The following TANC2 variants were observed in gnomAD, a reference collection of about 807,000 sequenced individuals.
The protein encoded by TANC2 is tetratricopeptide repeat, ankyrin repeat and coiled-coil containing 2, also known as protein TANC2.
TANC2 carries 26 observed loss-of-function variants against 210.5 expected under a neutral mutation model. The observed-to-expected ratio is 0.12, with a 90% confidence interval of 0.09 to 0.17. The LOEUF is 0.17. Among genes scored for constraint, TANC2 ranks in the 10% least tolerant of loss-of-function variants. The pLI, the probability that TANC2 is intolerant of heterozygous loss-of-function variation, is 1.00. For missense variants in TANC2, 2,129 were observed against 2,608.9 expected (o/e 0.82, Z 4.01); for synonymous variants, 931 against 967.1 (o/e 0.96, Z 0.69).
At chr17:63,341,904 G>C (rs1489970888) in intron 12 of TANC2, among the ~76,000 whole-genome samples, 1 of 152,160 alleles carries the variant, frequency 6.6e-6, no homozygotes, top group Non-Finnish European at 1.5e-5. Flanking sequence ...ATTATTCACT[G>C]TTATCCTTAG....
chr17:63,122,220 A>G (rs1015561709), intron 4 of TANC2, among the ~76,000 whole-genome samples: 4 of 152,228 alleles, frequency 2.6e-5, no homozygotes, highest in Admixed American at 1.3e-4. Context: ...AAGTCCTACA[A>G]TAAAGGGAAC....
chr17:63,112,937 A>G (rs2038108358), intron 4 of TANC2, among the ~76,000 whole-genome samples: 1 of 152,190 alleles, frequency 6.6e-6, no homozygotes, highest in African/African-American at 2.4e-5. Context: ...ACCATGATTT[A>G]TGCCATGGTC....
chr17:62,993,618 G>A (rs1037191102), intron 1 of TANC2, among the ~76,000 whole-genome samples: 8 of 152,070 alleles, frequency 5.3e-5, no homozygotes, highest in Non-Finnish European at 8.8e-5. Flanking sequence ...TTCATTGATA[G>A]TCTAAAGAAA....
At chr17:63,056,731 G>A (rs1170256409) in intron 2 of TANC2, among the ~76,000 whole-genome samples, 1 of 152,126 alleles carries the variant, frequency 6.6e-6, no homozygotes, top group Non-Finnish European at 1.5e-5. Flanking sequence ...GTCAAAATTG[G>A]TGACTTTTTT....
chr17:63,137,929 A>C (rs1343525063), intron 4 of TANC2, among the ~76,000 whole-genome samples: 1 of 152,188 alleles, frequency 6.6e-6, no homozygotes, highest in Non-Finnish European at 1.5e-5. Flanking sequence ...AAGGTATTAT[A>C]TAGAGTATAG....
intron 12 of TANC2, among the ~76,000 whole-genome samples, chr17:63,346,633 G>A (rs987034197): frequency 6.6e-6 from 1 of 152,216 alleles, no homozygotes; most frequent in Admixed American, 6.5e-5. Context: ...TGGTAAGGAT[G>A]AGAAACAACT....
intron 7 of TANC2, among the ~76,000 whole-genome samples, chr17:63,208,774 C>T (rs1391675807): frequency 6.6e-6 from 1 of 151,896 alleles, no homozygotes; most frequent in Admixed American, 6.6e-5. Flanking sequence ...TATTTTTATG[C>T]GTTTGTCAGT....
intron 4 of TANC2, among the ~76,000 whole-genome samples, chr17:63,146,978 G>GCAA (rs564752153): frequency 0.015 from 2,351 of 151,680 alleles, 21 homozygotes; most frequent in African/African-American, 0.017. Context: ...TTAAAAAACA[G>GCAA]CAACAACAAC....
At chr17:63,415,430 T>C (rs1207094208) in intron 25 of TANC2, 98 bp from the exon 26 acceptor site, 6 of 1,493,554 alleles carry the variant, frequency 4.0e-6, no homozygotes, top group Non-Finnish European at 4.5e-6. Context: ...GGTTAGCCCT[T>C]AGTAACAGCT....
At chr17:63,345,033 A>C (rs1281747777) in intron 12 of TANC2, among the ~76,000 whole-genome samples, 3 of 152,190 alleles carry the variant, frequency 2.0e-5, no homozygotes, top group Admixed American at 2.0e-4. Context: ...TCTGCCACCA[A>C]ACATATGCTT....
chr17:63,188,294 A>G (rs2041062724), intron 5 of TANC2, among the ~76,000 whole-genome samples: 3 of 127,520 alleles, frequency 2.4e-5, no homozygotes, highest in Admixed American at 1.6e-4. Flanking sequence ...CTGAGACCCC[A>G]TCTCTTAAAA....
intron 14 of TANC2, 60 bp from the exon 15 acceptor site, chr17:63,379,658 G>A: frequency 7.4e-7 from 1 of 1,348,912 alleles, no homozygotes; most frequent in South Asian, 1.4e-5. Context: ...AACAGAGTGA[G>A]ACTCCATCTC....
chr17:63,161,915 C>T lies in TANC2; in HGVS notation c.433+10535C>T, dbSNP rs187000695. On this transcript the variant is annotated intron_variant, in intron 5 of 27. Coordinates refer to ENST00000689528, the Ensembl canonical transcript of TANC2. ...TTTAAGATCTTTGCTAAAATGTCAC[C>T]TTTTCATTGAGACTTTGCATTGACA... Among the ~76,000 whole-genome samples, 62 of 152,216 alleles carry T rather than the reference C, an allele frequency of 4.1e-4. 1 individual carries two copies. In the East Asian group the frequency reaches 6.6e-3, roughly 16 times the overall value.
chr17:63,358,894 C>G (rs535428622), intron 14 of TANC2, among the ~76,000 whole-genome samples: 2 of 151,840 alleles, frequency 1.3e-5, no homozygotes, highest in African/African-American at 4.8e-5. Flanking sequence ...AATCTCCACT[C>G]TGTTCTGTTT....
In TANC2 at chr17:63,388,761, A is replaced by G; in HGVS notation, c.2814+4A>G. The G allele has an allele frequency of 6.6e-7, 1 of 1,509,732 alleles. No homozygotes were observed. Among genetic ancestry groups the G allele is most frequent in the Non-Finnish European group, 8.9e-7 (1 of 1,127,054 alleles). The allele number at this position is 1,509,732 out of a possible 1,614,324, so 93.5% of individuals were successfully genotyped here. On this transcript the variant is annotated splice_donor_region_variant and intron_variant, in intron 16 of 27. Transcript: ENST00000689528. ...TCTCTACACTCCAAATATAAAGGTAAATTTATAAAGAAATTATAAATATGA... is the reference window on the plus strand; with the variant it reads ...TCTCTACACTCCAAATATAAAGGTAGATTTATAAAGAAATTATAAATATGA...
intron 18 of TANC2, among the ~76,000 whole-genome samples, chr17:63,397,201 G>A (rs1254735353): frequency 6.6e-6 from 1 of 152,084 alleles, no homozygotes; most frequent in Non-Finnish European, 1.5e-5. Context: ...CCTGAACCCG[G>A]GAGGTGGAGG....
At chr17:63,243,668 G>T (rs1372222846) in intron 8 of TANC2, among the ~76,000 whole-genome samples, 1 of 152,150 alleles carries the variant, frequency 6.6e-6, no homozygotes, top group African/African-American at 2.4e-5. Context: ...TAAAGTAATG[G>T]TTACCTTTGG....
chr17:63,284,009 CAA>C (rs770164291), intron 9 of TANC2, among the ~76,000 whole-genome samples: 6 of 151,840 alleles, frequency 4.0e-5, no homozygotes, highest in Non-Finnish European at 7.4e-5. Context: ...TGAGTAGAAA[CAA>C]AGAGAGCGGA....
intron 8 of TANC2, among the ~76,000 whole-genome samples, chr17:63,240,013 A>T (rs1371014562): frequency 6.6e-6 from 1 of 152,200 alleles, no homozygotes; most frequent in African/African-American, 2.4e-5. Flanking sequence ...CTGCCCCATG[A>T]TCCAGTCACC....
Sources: allele counts gnomAD v4.1 joint callset (sites outside exome capture counted in the v4.1 genomes callset), GRCh38; gene constraint gnomAD v4.1.1; transcripts MANE v1.5; gene names NCBI Gene and HGNC (gene_info 2026-07-23, HGNC 2026-07-21).